Variants in SPTAN1 observed in about 807,000 individuals in gnomAD.
SPTAN1 encodes spectrin alpha chain, non-erythrocytic 1.
SPTAN1 carries 61 observed loss-of-function variants against 331.3 expected under a neutral mutation model. The observed-to-expected ratio is 0.18, with a 90% CI of 0.15 to 0.23. SPTAN1 has a LOEUF of 0.23. SPTAN1 is among the 10% of genes least tolerant of loss of function. The pLI is 1.00. For synonymous variants in SPTAN1, 1,153 were observed against 1,173.9 expected (o/e 0.98, Z 0.36); for missense variants, 2,043 against 3,147.9 (o/e 0.65, Z 8.40).
chr9:128,628,119 A>G (rs773260096), intron 51 of SPTAN1, 177 bp downstream of exon 51: 17 of 857,870 alleles, frequency 2.0e-5, no homozygotes, highest in Non-Finnish European at 3.4e-5. Context: ...CCCATAGCCC[A>G]TGGTCCCTGG....
At position 128,609,119 on chromosome 9, in the gene SPTAN1, C is replaced by G. The variant is rs1209204317; in HGVS notation, c.4596-3C>G. 2 of 1,614,212 alleles carry G rather than the reference C, an allele frequency of 1.2e-6. No homozygotes were observed. The highest frequency in any genetic ancestry group is 1.7e-6 in the Non-Finnish European group (2 of 1,180,034). ...GTTGGATCTCATGGTTTCACTCTTT[C>G]AGGTGGCGACGTCTGAAAGCCCAGA... On this transcript the variant is annotated splice_polypyrimidine_tract_variant and splice_region_variant and intron_variant, in intron 35 of 56. Transcript: ENST00000372739.
At chr9:128,606,498 G>GC (rs1320279172) in intron 31 of SPTAN1, among the ~76,000 whole-genome samples, 10 of 81,098 alleles carry the variant, frequency 1.2e-4, no homozygotes, top group Admixed American at 4.9e-4. Context: ...TTTTTTTTTT[G>GC]GGGGGGGAAG....
At chr9:128,598,168 G>A (rs550382864) in intron 24 of SPTAN1, among the ~76,000 whole-genome samples, 7 of 146,844 alleles carry the variant, frequency 4.8e-5, no homozygotes, top group South Asian at 4.3e-4. Context: ...GGTTGGTCTC[G>A]AACTCCCGAC....
At chr9:128,605,201 T>C (rs759115075) in intron 30 of SPTAN1, 23 bp downstream of exon 30, 1 of 1,614,140 alleles carries the variant, frequency 6.2e-7, no homozygotes, top group Non-Finnish European at 8.5e-7. Context: ...AAAGTCATCT[T>C]CTGTCTGGCA....
chr9:128,579,155 T>C (rs988041126), intron 9 of SPTAN1, among the ~76,000 whole-genome samples: 2 of 152,182 alleles, frequency 1.3e-5, no homozygotes, highest in African/African-American at 4.8e-5. Context: ...TTAATGCAGT[T>C]CCAGTCAAGT....
At position 128,633,458 on chromosome 9, in the gene SPTAN1, G is replaced by C; in HGVS notation, c.*124G>C. 4 of 1,521,354 alleles carry C rather than the reference G, an allele frequency of 2.6e-6. No individual in the cohort carries two copies. The highest frequency in any genetic ancestry group is 2.3e-5 in the East Asian group (1 of 44,362). 94.2% of individuals were successfully genotyped at this position (1,521,354 alleles called of 1,614,324 possible). On this transcript the variant is annotated 3_prime_UTR_variant, in exon 57 of 57. Transcript: ENST00000372739. ...CCTGCTTAGCTTGGAATAAGACTTA[G>C]GAGAAAATGGTGCTTCACTAACCCG... is the stretch of plus-strand genomic sequence containing the variant.
intron 27 of SPTAN1, 106 bp downstream of exon 27, chr9:128,600,221 C>A: frequency 1.6e-6 from 2 of 1,248,434 alleles, no homozygotes; most frequent in South Asian, 2.4e-5. Context: ...AGTCTTTAGT[C>A]ATTTCTGGAC....
Position 128,628,174 on chromosome 9 carries a change from C to G in SPTAN1, c.6707+232C>G, listed in dbSNP as rs776914977. 78 of 698,216 alleles carry G rather than the reference C, an allele frequency of 1.1e-4. No homozygotes were observed. In the Admixed American group the frequency reaches 1.5e-3, roughly 14 times the overall value. The allele number at this position is 698,216 out of a possible 1,614,324, so 43.3% of individuals were successfully genotyped here. Reference sequence around the variant, plus strand: ...GCCAGGGGGAGCCGTCCTTGCCTCACTGGGCGATTCCAAGGGCTCACTTTG... The same window carrying G: ...GCCAGGGGGAGCCGTCCTTGCCTCAGTGGGCGATTCCAAGGGCTCACTTTG... On this transcript the variant is annotated intron_variant, in intron 51 of 56. Coordinates refer to ENST00000372739, the MANE Select transcript of SPTAN1 (RefSeq NM_001130438.3).
In SPTAN1 at chr9:128,626,778, A is replaced by G; in HGVS notation, c.6576+91A>G. On this transcript the variant is annotated intron_variant, in intron 49 of 56. Transcript: ENST00000372739. ...GCCCACACTTAACTGAGTCACGACA[A>G]GACGAGCAGGATGGAGGAGCATGGT... 4.1e-6 allele frequency: 5 copies of G among 1,229,778 alleles called. No individual in the cohort carries two copies. In the South Asian group the frequency reaches 6.6e-5, roughly 16 times the overall value. 76.2% of individuals were successfully genotyped at this position (1,229,778 alleles called of 1,614,324 possible).
intron 51 of SPTAN1, chr9:128,628,564 C>T (rs1289234131): frequency 1.4e-5 from 3 of 210,402 alleles, no homozygotes; most frequent in Non-Finnish European, 2.9e-5. Context: ...CTGTCCCGCC[C>T]AGTCCCGGCA....
At chr9:128,567,057 CTTAA>C (rs1466219385) in intron 2 of SPTAN1, 80 bp downstream of exon 2, 2 of 1,589,138 alleles carry the variant, frequency 1.3e-6, no homozygotes, top group Admixed American at 1.7e-5. Flanking sequence ...AGGAAAGTTA[CTTAA>C]TTATGACCTT....
At chr9:128,613,122 G>T (rs540515499) in intron 39 of SPTAN1, among the ~76,000 whole-genome samples, 18 of 152,174 alleles carry the variant, frequency 1.2e-4, no homozygotes, top group African/African-American at 3.9e-4. Flanking sequence ...CTTGAACTAG[G>T]ATTGCTGTGC....
intron 26 of SPTAN1, chr9:128,599,623 A>G (rs1220989321): frequency 4.4e-5 from 8 of 181,268 alleles, no homozygotes; most frequent in Non-Finnish European, 7.9e-5. Context: ...GCCTCAAGCA[A>G]TCCTCCCACC....
At chr9:128,574,859 A>G (rs773485341) in intron 4 of SPTAN1, 44 bp downstream of exon 4, 5 of 1,613,432 alleles carry the variant, frequency 3.1e-6, no homozygotes, top group South Asian at 1.1e-5. Context: ...ACTCAAAGAA[A>G]AGGGAAGAGA....
intron 24 of SPTAN1, among the ~76,000 whole-genome samples, chr9:128,597,315 T>C (rs1389773042): frequency 6.6e-6 from 1 of 152,094 alleles, no homozygotes; most frequent in Non-Finnish European, 1.5e-5. Flanking sequence ...CATCACATTT[T>C]TAAAACATTA....
At chr9:128,564,380 C>T (rs1849764031) in intron 1 of SPTAN1, among the ~76,000 whole-genome samples, 2 of 151,344 alleles carry the variant, frequency 1.3e-5, no homozygotes, top group African/African-American at 4.9e-5. Context: ...GATCATGCCA[C>T]TGCACTCTAG....
intron 1 of SPTAN1, among the ~76,000 whole-genome samples, chr9:128,560,444 G>C (rs1782353366): frequency 6.7e-6 from 1 of 149,462 alleles, no homozygotes. Context: ...GCAGGGGCTT[G>C]ATCTCAGCTC....
intron 41 of SPTAN1, among the ~76,000 whole-genome samples, chr9:128,616,670 G>A (rs892064659): frequency 2.0e-5 from 3 of 151,864 alleles, no homozygotes; most frequent in Non-Finnish European, 4.4e-5. Flanking sequence ...GTGAGGCTGA[G>A]GCAGGATAAT....
At chr9:128,609,702 G>C in intron 37 of SPTAN1, 37 bp downstream of exon 37, 1 of 1,416,742 alleles carries the variant, frequency 7.1e-7, no homozygotes, top group Non-Finnish European at 9.4e-7. Context: ...GTAGTTAAAT[G>C]AGCTCCAGTA....
Sources: allele counts gnomAD v4.1 joint callset (sites outside exome capture counted in the v4.1 genomes callset), GRCh38; gene constraint gnomAD v4.1.1; transcripts MANE v1.5; gene names NCBI Gene and HGNC (gene_info 2026-07-23, HGNC 2026-07-21).